The following CEP112 variants were observed in gnomAD, a reference collection of about 807,000 sequenced individuals.
CEP112 encodes the protein centrosomal protein 112, also known as centrosomal protein of 112 kDa.
CEP112 carries 127 observed loss-of-function variants against 153.0 expected under a neutral mutation model. The observed-to-expected ratio is 0.83, with a 90% CI of 0.72 to 0.96. The LOEUF is 0.96. CEP112 is among the 40% of genes least tolerant of loss of function. CEP112 has a pLI of 0.00. For missense variants in CEP112, 1,089 were observed against 1,101.2 expected (o/e 0.99, Z 0.16); for synonymous variants, 358 against 374.4 (o/e 0.96, Z 0.51).
chr17:66,165,571 A>G (rs1037283336), intron 4 of CEP112, among the ~76,000 whole-genome samples: 3 of 152,254 alleles, frequency 2.0e-5, no homozygotes, highest in Non-Finnish European at 4.4e-5. Context: ...TTATAATGTT[A>G]TATAGTATCA....
chr17:66,128,867 A>C (rs2069988957), intron 6 of CEP112, among the ~76,000 whole-genome samples: 1 of 152,172 alleles, frequency 6.6e-6, no homozygotes, highest in Admixed American at 6.5e-5. Context: ...ATTTATAATA[A>C]ATTTTGTTGA....
intron 12 of CEP112, among the ~76,000 whole-genome samples, chr17:66,038,100 CAAA>C (rs5821553): frequency 9.5e-6 from 1 of 105,398 alleles, no homozygotes. Flanking sequence ...GACTCTGTCT[CAAA>C]AAAAAAAAAA....
At chr17:65,745,092 C>A (rs180994509) in intron 22 of CEP112, among the ~76,000 whole-genome samples, 1 of 152,142 alleles carries the variant, frequency 6.6e-6, no homozygotes, top group South Asian at 2.1e-4. Context: ...CTAGTTGTTA[C>A]TACTGACATA....
chr17:65,871,034 C>T (rs1399636112), intron 20 of CEP112, among the ~76,000 whole-genome samples: 2 of 152,182 alleles, frequency 1.3e-5, no homozygotes, highest in Non-Finnish European at 2.9e-5. Flanking sequence ...CAACCACCCA[C>T]CCACATTTTA....
chr17:65,982,033 GT>G (rs1357714674), intron 17 of CEP112, among the ~76,000 whole-genome samples: 1 of 151,820 alleles, frequency 6.6e-6, no homozygotes, highest in Non-Finnish European at 1.5e-5. Context: ...AGATAATGGT[GT>G]TTTTATTTAC....
chr17:65,733,031 T>C (rs2050599041), intron 23 of CEP112, among the ~76,000 whole-genome samples: 1 of 152,252 alleles, frequency 6.6e-6, no homozygotes, highest in Non-Finnish European at 1.5e-5. Flanking sequence ...CTGTCTCGGC[T>C]TTCAACATGC....
intron 17 of CEP112, among the ~76,000 whole-genome samples, chr17:66,005,183 G>A (rs187012360): frequency 6.4e-4 from 97 of 152,288 alleles, no homozygotes; most frequent in Admixed American, 6.3e-3. Flanking sequence ...AATCAATTTA[G>A]TAAATGAATG....
chr17:65,738,665 G>T lies in CEP112; in HGVS notation c.2607+4403C>A, dbSNP rs139331038. On this transcript the variant is annotated intron_variant, in intron 23 of 26. Transcript: ENST00000535342. ...TGCATTTTAAATTATTTATAAATGA[G>T]CATATGACATTTCTACTACTTCAAA... Among the ~76,000 whole-genome samples, 6 of 152,144 alleles carry T rather than the reference G, an allele frequency of 3.9e-5. No homozygotes were observed. The East Asian group carries it at 1.2e-3, about 29-fold the overall frequency.
Position 65,996,129 on chromosome 17 carries a change from CGTGTGTGTGTGT to C in CEP112, c.1736+9549_1736+9560del, listed in dbSNP as rs3055983. ...ATCCTACACCATGGGGAAAAATATA[CGTGTGTGTGTGT>C]GTGTGTGTGTGTGTGTGTGTGTGTG... On this transcript the variant is annotated intron_variant, in intron 17 of 26. Coordinates refer to ENST00000535342, the MANE Select transcript of CEP112 (RefSeq NM_001199165.4). Among the ~76,000 whole-genome samples, 879 of 145,796 alleles carry C rather than the reference CGTGTGTGTGTGT, an allele frequency of 6.0e-3. 9 individuals carry two copies. Among genetic ancestry groups the C allele is most frequent in the African/African-American group, 0.022 (844 of 39,160 alleles).
At chr17:66,114,316 T>A (rs1598379216) in intron 6 of CEP112, among the ~76,000 whole-genome samples, 2 of 152,308 alleles carry the variant, frequency 1.3e-5, no homozygotes, top group East Asian at 3.9e-4. Context: ...TTGTCAGGGT[T>A]TTCTGTCCAC....
At chr17:66,116,249 T>C (rs2069286844) in intron 6 of CEP112, among the ~76,000 whole-genome samples, 1 of 152,020 alleles carries the variant, frequency 6.6e-6, no homozygotes, top group African/African-American at 2.4e-5. Flanking sequence ...CATTATGATC[T>C]CTTTTCAACA....
chr17:66,053,463 G>T (rs1247061917), intron 12 of CEP112, among the ~76,000 whole-genome samples: 1 of 151,848 alleles, frequency 6.6e-6, no homozygotes, highest in Non-Finnish European at 1.5e-5. Context: ...CTCCAGCCTG[G>T]GTGACAGGGT....
At chr17:65,794,185 G>A (rs550270938) in intron 21 of CEP112, among the ~76,000 whole-genome samples, 1 of 152,256 alleles carries the variant, frequency 6.6e-6, no homozygotes, top group South Asian at 2.1e-4. Context: ...ATAGTCTTCT[G>A]TTGTAGGGTA....
chr17:65,637,688 A>G (rs1203116285), intron 25 of CEP112, among the ~76,000 whole-genome samples: 1 of 152,014 alleles, frequency 6.6e-6, no homozygotes, highest in Admixed American at 6.5e-5. Context: ...CCTCCCCTCT[A>G]TTACTGGTAC....
At position 65,999,884 on chromosome 17, in the gene CEP112, T is replaced by C. The variant is rs1221585026; in HGVS notation, c.1736+5806A>G. On this transcript the variant is annotated intron_variant, in intron 17 of 26. Transcript: ENST00000535342. ...TGGCCTCCAGCTCTAGTCATGTTCC[T>C]GCAAAGGACATGATCTCATTATTTT... Among the ~76,000 whole-genome samples, 5 of 152,198 alleles carry C rather than the reference T, an allele frequency of 3.3e-5. No individual in the cohort carries two copies. The South Asian group carries it at 8.3e-4, about 25-fold the overall frequency.
intron 24 of CEP112, among the ~76,000 whole-genome samples, chr17:65,685,596 T>C (rs1470525021): frequency 2.0e-5 from 3 of 151,638 alleles, no homozygotes; most frequent in Admixed American, 2.0e-4. Flanking sequence ...TGTAACAATC[T>C]CAACATTTTA....
At chr17:65,833,983 G>A (rs2057197321) in intron 21 of CEP112, among the ~76,000 whole-genome samples, 1 of 152,080 alleles carries the variant, frequency 6.6e-6, no homozygotes. Context: ...AAACAGCCTG[G>A]TACTGGTACA....
At chr17:65,689,960 A>C (rs2048015173) in intron 23 of CEP112, among the ~76,000 whole-genome samples, 1 of 152,132 alleles carries the variant, frequency 6.6e-6, no homozygotes, top group Non-Finnish European at 1.5e-5. Flanking sequence ...GAAATACTAC[A>C]TGGAAAGTTA....
intron 18 of CEP112, among the ~76,000 whole-genome samples, chr17:65,937,556 G>T (rs1244394485): frequency 1.2e-5 from 1 of 82,234 alleles, no homozygotes; most frequent in South Asian, 6.9e-4. Context: ...CGCCCCGTCC[G>T]GGAGGGAGGT....
Sources: allele counts gnomAD v4.1 joint callset (sites outside exome capture counted in the v4.1 genomes callset), GRCh38; gene constraint gnomAD v4.1.1; transcripts MANE v1.5; gene names NCBI Gene and HGNC (gene_info 2026-07-23, HGNC 2026-07-21).